Variants in SH2B3 observed in about 807,000 individuals in gnomAD.
SH2B3 encodes SH2B adapter protein 3.
SH2B3 carries 43 observed loss-of-function variants against 51.9 expected under a neutral mutation model. The ratio of observed to expected loss-of-function variants is 0.83; its 90% CI spans 0.65 to 1.07. SH2B3 has a LOEUF of 1.07. SH2B3 is among the 50% of genes least tolerant of loss of function. The pLI is 0.00. For missense variants in SH2B3, 952 were observed against 834.3 expected, an observed-to-expected ratio of 1.14 and a Z score of -1.74; for synonymous variants, 396 against 376.0, an observed-to-expected ratio of 1.05 and a Z score of -0.62.
intron 1 of SH2B3, among the ~76,000 whole-genome samples, 194 bp from the exon 2 acceptor site, chr12:111,417,925 C>T (rs1459297175): frequency 6.6e-6 from 1 of 152,194 alleles, no homozygotes; most frequent in Non-Finnish European, 1.5e-5. Flanking sequence ...AGTCTAGAAT[C>T]AATTCTGCCA....
chr12:111,428,152 A>G (rs1413554767), intron 2 of SH2B3, among the ~76,000 whole-genome samples: 1 of 152,250 alleles, frequency 6.6e-6, no homozygotes, highest in African/African-American at 2.4e-5. Flanking sequence ...CCACCATTTT[A>G]TAGATGCCAA....
In SH2B3 at chr12:111,448,201, G is replaced by C. The variant is rs766064684; in HGVS notation, c.1627G>C (p.Glu543Gln). 1 of 1,614,138 alleles carries C rather than the reference G, an allele frequency of 6.2e-7. No individual in the cohort carries two copies. Among genetic ancestry groups the C allele is most frequent in the Non-Finnish European group, 8.5e-7 (1 of 1,180,030 alleles). ...ACTGGCCAACAGCCTGCAGCACCTG[G>C]AGCATGAGCCTGTGAATCGAGCCCG... ...EELANSLQHL[E>Q]HEPVNRARDS... Residue 543 changes from glutamate to glutamine, a missense_variant, in exon 8 of 8, where the codon GAG becomes CAG. Physicochemically the swap from Glu to Gln is conservative, Grantham distance 29. Coordinates refer to ENST00000341259, the MANE Select transcript of SH2B3 (RefSeq NM_005475.3).
At chr12:111,447,955 T>G in intron 7 of SH2B3, 28 bp from the exon 8 acceptor site, 1 of 1,570,354 alleles carries the variant, frequency 6.4e-7, no homozygotes, top group Non-Finnish European at 8.7e-7. Context: ...AGACTGATGG[T>G]GTGGTCTCTC....
intron 2 of SH2B3, among the ~76,000 whole-genome samples, chr12:111,437,512 G>A (rs1182656520): frequency 2.6e-5 from 4 of 152,198 alleles, no homozygotes; most frequent in Non-Finnish European, 5.9e-5. Flanking sequence ...GCAGCAGGCA[G>A]GCTCACTTGC....
rs375260879 is a variant in SH2B3 at position 111,447,554 on chromosome 12, G to A, written c.1236+10G>A. ...TCAGGGGATAGCCAAGGTATGGGGT[G>A]GGGTGGGGTGGGGTGGGGCAGGCAG... is the stretch of plus-strand genomic sequence containing the variant. On this transcript the variant is annotated intron_variant, in intron 6 of 7. Coordinates refer to ENST00000341259, the MANE Select transcript of SH2B3 (RefSeq NM_005475.3). 9.6e-6 allele frequency: 15 copies of A among 1,558,116 alleles called. No individual in the cohort carries two copies. Among genetic ancestry groups the A allele is most frequent in the African/African-American group, 2.8e-5 (2 of 72,544 alleles).
intron 2 of SH2B3, among the ~76,000 whole-genome samples, chr12:111,440,312 G>A (rs1249504069): frequency 1.3e-5 from 2 of 152,238 alleles, no homozygotes; most frequent in African/African-American, 4.8e-5. Flanking sequence ...GGGGCAGGGT[G>A]GTGAGGCTTC....
At chr12:111,413,032 C>T (rs1032373617) in intron 1 of SH2B3, among the ~76,000 whole-genome samples, 3 of 152,188 alleles carry the variant, frequency 2.0e-5, no homozygotes, top group African/African-American at 7.2e-5. Context: ...AATAAGCATT[C>T]ATTGGGAAGT....
At position 111,449,655 on chromosome 12, in the gene SH2B3, G is replaced by C. The variant is rs985816864; in HGVS notation, c.*1353G>C. The stretch of plus-strand genomic sequence containing the variant: ...GGGGGCAGTGACAGTGGAGTCAGCT[G>C]CTCTTGGGTGCCAGCAGAGCCATTC... On this transcript the variant is annotated 3_prime_UTR_variant, in exon 8 of 8. Coordinates refer to ENST00000341259, the MANE Select transcript of SH2B3 (RefSeq NM_005475.3). The C allele has an allele frequency of 3.9e-5, 6 of 152,336 alleles. No homozygotes were observed. The highest frequency in any genetic ancestry group is 5.9e-5 in the Non-Finnish European group (4 of 68,146). The allele number at this position is 152,336 out of a possible 1,614,324, so 9.4% of individuals were successfully genotyped here. A position where few individuals can be genotyped will look rare whatever the true frequency, so the allele number is the denominator to read the frequency against.
chr12:111,431,170 G>A (rs1324857035), intron 2 of SH2B3, among the ~76,000 whole-genome samples: 1 of 152,200 alleles, frequency 6.6e-6, no homozygotes, highest in African/African-American at 2.4e-5. Flanking sequence ...TGGAACCACT[G>A]GGTGACAGTG....
chr12:111,418,674 G>GGCCTGGCCAAGAAGTTCCTGCCCTGGA lies in SH2B3; in HGVS notation c.538_564dup (p.Lys180_Ala188dup). The GGCCTGGCCAAGAAGTTCCTGCCCTGGA allele has an allele frequency of 6.7e-7, 1 of 1,491,308 alleles. No homozygotes were observed. The highest frequency in any genetic ancestry group is 8.9e-7 in the Non-Finnish European group (1 of 1,128,800). The allele number at this position is 1,491,308 out of a possible 1,614,324, so 92.4% of individuals were successfully genotyped here. A position where few individuals can be genotyped will look rare whatever the true frequency, so the allele number is the denominator to read the frequency against. ...GGCTGCTGAGACCCCCGCCCGGCCT[G>GGCCTGGCCAAGAAGTTCCTGCCCTGGA]GCCTGGCCAAGAAGTTCCTGCCCTG... On this transcript the variant is annotated inframe_insertion, in exon 2 of 8. Coordinates refer to ENST00000341259, the MANE Select transcript of SH2B3 (RefSeq NM_005475.3). This position sits in a 1 kb window ranked among gnomAD's most constrained non-coding sequence, Gnocchi z 6.7.
In SH2B3 at chr12:111,407,572, A is replaced by G. The variant is rs1247966152; in HGVS notation, c.-28+1295A>G. ...CGTGGAGGGAGAGCCGTCAGAGGCC[A>G]CCTGGGCAGGCTGGGCTCGGAGGAT... On this transcript the variant is annotated intron_variant, in intron 1 of 7. Transcript: ENST00000341259. The surrounding 1 kb of genome is among the most constrained non-coding windows in gnomAD (Gnocchi z 4.3). Among the ~76,000 whole-genome samples, 1 of 151,970 alleles carries G rather than the reference A, an allele frequency of 6.6e-6. No homozygotes were observed. The highest frequency in any genetic ancestry group is 1.5e-5 in the Non-Finnish European group (1 of 67,972).
intron 2 of SH2B3, among the ~76,000 whole-genome samples, chr12:111,423,607 T>G (rs909479775): frequency 3.3e-5 from 5 of 152,070 alleles, no homozygotes; most frequent in African/African-American, 1.2e-4. Context: ...CCTGACCTCG[T>G]TATCTGCCCG....
rs61944377 is a variant in SH2B3, at chr12:111,435,417, G to A, written c.733-11336G>A. On this transcript the variant is annotated intron_variant, in intron 2 of 7. Transcript: ENST00000341259. The surrounding 1 kb of genome is among the most constrained non-coding windows in gnomAD (Gnocchi z 4.8). ...TTGAAGTAGCCCAAGCTGGAGTGCA[G>A]TAGCACGATCTCGGCTCACTGCAAC... Among the ~76,000 whole-genome samples the A allele has an allele frequency of 1.2e-3, 189 of 152,348 alleles. No individual in the cohort carries two copies. Among genetic ancestry groups the A allele is most frequent in the South Asian group, 2.5e-3 (12 of 4,832 alleles).
chr12:111,411,671 G>A (rs926628364), intron 1 of SH2B3, among the ~76,000 whole-genome samples: 2 of 152,156 alleles, frequency 1.3e-5, no homozygotes, highest in Non-Finnish European at 2.9e-5. Flanking sequence ...GCTGCTTCGA[G>A]GCCCTCAATA....
chr12:111,447,291 T>C (rs1289785040), intron 5 of SH2B3, 39 bp from the exon 6 acceptor site: 1 of 1,592,038 alleles, frequency 6.3e-7, no homozygotes, highest in Non-Finnish European at 8.6e-7. Flanking sequence ...GGACATAAGG[T>C]AGCCCCCTGC....
chr12:111,442,505 A>G (rs1873519328), intron 2 of SH2B3, among the ~76,000 whole-genome samples: 1 of 152,108 alleles, frequency 6.6e-6, no homozygotes, highest in African/African-American at 2.4e-5. Context: ...GCTCTGGGGA[A>G]GGTAAGACCA....
In SH2B3 at chr12:111,448,037, C is replaced by A. The variant is rs751968831; in HGVS notation, c.1463C>A (p.Ser488Tyr). Reference sequence around the variant, plus strand: ...TCCCTTCCTCACTGGGATTCAGAGTCCCTTCCTCACTGGGGTTCAGAGTTG... The same window carrying A: ...TCCCTTCCTCACTGGGATTCAGAGTACCTTCCTCACTGGGGTTCAGAGTTG... ...PFSLPHWDSE[S>Y]LPHWGSELGL... Residue 488 changes from serine (S) to tyrosine (Y), a missense_variant, in exon 8 of 8, where the codon TCC becomes TAC. Transcript: ENST00000341259. 153 of 1,612,172 alleles carry A rather than the reference C, an allele frequency of 9.5e-5. No homozygotes were observed. Among genetic ancestry groups the A allele is most frequent in the Admixed American group, 5.2e-4 (31 of 59,982 alleles).
chr12:111,418,914 T>C lies in SH2B3; in HGVS notation c.732+37T>C. The stretch of plus-strand genomic sequence containing the variant: ...CTGCCCGCGGGGTTGCGCACTGCAC[T>C]GCGCCCTTCGCCTTCACCCTGGGGA... On this transcript the variant is annotated intron_variant, in intron 2 of 7. Transcript: ENST00000341259. This position sits in a 1 kb window ranked among gnomAD's most constrained non-coding sequence, Gnocchi z 6.7. 1.5e-6 allele frequency: 2 copies of C among 1,369,850 alleles called. No homozygotes were observed. The highest frequency in any genetic ancestry group is 1.9e-6 in the Non-Finnish European group (2 of 1,070,446). 84.9% of individuals were successfully genotyped at this position (1,369,850 alleles called of 1,614,324 possible). A position where few individuals can be genotyped will look rare whatever the true frequency, so the allele number is the denominator to read the frequency against.
rs979585669 is a variant in SH2B3 at position 111,429,530 on chromosome 12, C to T, written c.732+10653C>T. On this transcript the variant is annotated intron_variant, in intron 2 of 7. Transcript: ENST00000341259. This position sits in a 1 kb window ranked among gnomAD's most constrained non-coding sequence, Gnocchi z 4.4. Reference sequence around the variant, plus strand: ...TGTATTATTAGTAGAGACGCGGTTTCGCCATGTTGGCCAGGCTGGTCTCGA... The same window carrying T: ...TGTATTATTAGTAGAGACGCGGTTTTGCCATGTTGGCCAGGCTGGTCTCGA... Among the ~76,000 whole-genome samples the T allele has an allele frequency of 1.3e-5, 2 of 152,138 alleles. No homozygotes were observed. Among genetic ancestry groups the T allele is most frequent in the Admixed American group, 6.5e-5 (1 of 15,268 alleles).
Sources: allele counts gnomAD v4.1 joint callset (sites outside exome capture counted in the v4.1 genomes callset), GRCh38; gene constraint gnomAD v4.1.1; non-coding constraint Gnocchi (gnomAD v3.1); transcripts MANE v1.5; gene names NCBI Gene and HGNC (gene_info 2026-07-23, HGNC 2026-07-21).